The following ANKRD11 variants were observed in gnomAD, a reference collection of about 807,000 sequenced individuals.
The protein encoded by ANKRD11 is ankyrin repeat domain-containing protein 11.
ANKRD11 carries 17 observed loss-of-function variants against 195.7 expected under a neutral mutation model. That is an observed-to-expected ratio of 0.09 (90% confidence interval 0.06 to 0.13). ANKRD11 has a LOEUF of 0.13. Among genes scored for constraint, ANKRD11 ranks in the 10% least tolerant of loss-of-function variants. ANKRD11 has a pLI of 1.00. For synonymous variants in ANKRD11, 1,953 were observed against 1,528.1 expected, an observed-to-expected ratio of 1.28 and a Z score of -6.49; for missense variants, 3,735 against 3,566.1, an observed-to-expected ratio of 1.05 and a Z score of -1.21.
chr16:89,270,236 G>A lies in ANKRD11; in HGVS notation c.7806+581C>T, dbSNP rs142067587. ...ATGACACACGGGTGCTTGGTTCAGG[G>A]ACCTGGGTGGTGCTGAGCCTGATAC... On this transcript the variant is annotated intron_variant, in intron 12 of 12. Coordinates refer to ENST00000301030, the MANE Select transcript of ANKRD11 (RefSeq NM_013275.6). 9.7e-3 allele frequency: 1,888 copies of A among 194,318 alleles called. 15 individuals carry two copies. The highest frequency in any genetic ancestry group is 0.02 in the Middle Eastern group (9 of 446). 12.0% of individuals were successfully genotyped at this position (194,318 alleles called of 1,614,324 possible).
intron 2 of ANKRD11, among the ~76,000 whole-genome samples, chr16:89,351,942 A>G (rs972907907): frequency 7.9e-5 from 12 of 152,052 alleles, no homozygotes; most frequent in Admixed American, 2.0e-4. Flanking sequence ...AGACAGTCTC[A>G]CTCTGTCGCC....
chr16:89,283,018 C>G lies in ANKRD11; in HGVS notation c.3524G>C (p.Arg1175Thr). ...GTCTCTGGGCTCCTTGTCCTTCTGC[C>G]TCTCAGGGTGCTGCTTGTCAGAAGA... Reference protein sequence around the residue: ...RKSSDKQHPERQKDKEPRDRR... With the variant: ...RKSSDKQHPETQKDKEPRDRR... Residue 1175 changes from arginine (R) to threonine (T), a missense_variant, in exon 9 of 13, where the codon AGG becomes ACG. Physicochemically the swap from Arg to Thr is moderately conservative, Grantham distance 71. Transcript: ENST00000301030. This position sits in a 1 kb window ranked among gnomAD's most constrained non-coding sequence, Gnocchi z 4.3. The G allele has an allele frequency of 6.2e-7, 1 of 1,613,856 alleles. No homozygotes were observed. Among genetic ancestry groups the G allele is most frequent in the Non-Finnish European group, 8.5e-7 (1 of 1,180,042 alleles).
chr16:89,305,251 G>A lies in ANKRD11; in HGVS notation c.181C>T (p.Pro61Ser). The A allele has an allele frequency of 6.2e-7, 1 of 1,613,842 alleles. No individual in the cohort carries two copies. The highest frequency in any genetic ancestry group is 8.5e-7 in the Non-Finnish European group (1 of 1,179,900). The part of the protein sequence containing the change: ...VRERASKRKL[P>S]FTAGANGEQK... ...TCCCCATTGGCGCCCGCGGTGAAGGGCAGCTTCCGCTTGCTGGCTCGCTCC... is the reference window on the plus strand; with the variant it reads ...TCCCCATTGGCGCCCGCGGTGAAGGACAGCTTCCGCTTGCTGGCTCGCTCC... The change falls in exon 4 of 13, where the codon CCC becomes TCC. Residue 61 changes from proline (P) to serine (S), a missense_variant. Transcript: ENST00000301030.
intron 4 of ANKRD11, among the ~76,000 whole-genome samples, chr16:89,297,291 A>G (rs1241578202): frequency 6.6e-6 from 1 of 152,246 alleles, no homozygotes; most frequent in African/African-American, 2.4e-5. Context: ...GAAGACGTCA[A>G]AATACATTCT....
rs780182611 is a variant in ANKRD11 at position 89,284,233 on chromosome 16, T to C, written c.2309A>G (p.Lys770Arg). 61 of 1,613,184 alleles carry C rather than the reference T, an allele frequency of 3.8e-5. No individual in the cohort carries two copies. In the South Asian group the frequency reaches 6.6e-4, roughly 18 times the overall value. Reference protein sequence around the residue: ...LYKEERKKKSKDRPSKLEKKN... With the variant: ...LYKEERKKKSRDRPSKLEKKN... ...CTTCTCTAATTTTGAGGGCCGGTCT[T>C]TTGATTTCTTCTTTCTCTCCTCTTT... is the stretch of plus-strand genomic sequence containing the variant. The change falls in exon 9 of 13, where the codon AAA (lysine) becomes AGA (arginine). Residue 770 changes from lysine to arginine, a missense_variant. Transcript: ENST00000301030.
chr16:89,399,250 T>TA (rs916898152), intron 2 of ANKRD11, among the ~76,000 whole-genome samples: 2 of 152,088 alleles, frequency 1.3e-5, no homozygotes, highest in Non-Finnish European at 2.9e-5. Flanking sequence ...CATTTATCCG[T>TA]AAGAGAAGCC....
intron 7 of ANKRD11, chr16:89,288,279 C>A: frequency 9.0e-6 from 6 of 663,324 alleles, no homozygotes; most frequent in Non-Finnish European, 1.4e-5. Context: ...CAGACCTACA[C>A]GGCTAGCGGA....
intron 2 of ANKRD11, among the ~76,000 whole-genome samples, chr16:89,349,488 C>CA (rs1446708343): frequency 6.6e-6 from 1 of 151,988 alleles, no homozygotes; most frequent in Non-Finnish European, 1.5e-5. Context: ...CAAAAAAGAC[C>CA]AAAAATAGAC....
At chr16:89,379,536 G>A (rs2040557968) in intron 2 of ANKRD11, among the ~76,000 whole-genome samples, 1 of 152,202 alleles carries the variant, frequency 6.6e-6, no homozygotes, top group African/African-American at 2.4e-5. Flanking sequence ...CGCCCAGACA[G>A]AGCTCAGTCA....
intron 11 of ANKRD11, among the ~76,000 whole-genome samples, chr16:89,273,318 A>G (rs753899443): frequency 8.5e-5 from 13 of 152,182 alleles, no homozygotes; most frequent in Non-Finnish European, 1.2e-4. Context: ...CTGCCTGTCC[A>G]TCACAGCCTC....
chr16:89,458,745 A>T (rs970534869), intron 1 of ANKRD11: 3 of 152,170 alleles, frequency 2.0e-5, no homozygotes, highest in African/African-American at 7.2e-5. Context: ...TGGTAACCAA[A>T]ACTTGATTTA....
chr16:89,301,745 T>C (rs1207120867), intron 4 of ANKRD11: 5 of 397,882 alleles, frequency 1.3e-5, no homozygotes, highest in African/African-American at 2.1e-5. Context: ...TGCTTTAAAC[T>C]GGGCTGATTC....
At chr16:89,464,007 G>A (rs565960435) in intron 1 of ANKRD11, among the ~76,000 whole-genome samples, 3 of 152,208 alleles carry the variant, frequency 2.0e-5, no homozygotes, top group Non-Finnish European at 2.9e-5. Flanking sequence ...GGGAGGGTGA[G>A]GTGGGCGGAT....
intron 2 of ANKRD11, among the ~76,000 whole-genome samples, chr16:89,379,967 T>G (rs1485021957): frequency 1.3e-5 from 2 of 152,178 alleles, no homozygotes; most frequent in Non-Finnish European, 2.9e-5. Context: ...TCATCTCTAT[T>G]TACCAAACAC....
intron 2 of ANKRD11, among the ~76,000 whole-genome samples, chr16:89,387,391 G>C (rs1203310012): frequency 1.3e-5 from 2 of 152,026 alleles, no homozygotes; most frequent in Non-Finnish European, 2.9e-5. Flanking sequence ...ACTGTGCTTG[G>C]GCCGGGCGCG....
intron 9 of ANKRD11, among the ~76,000 whole-genome samples, 183 bp from the exon 10 acceptor site, chr16:89,275,374 G>A (rs960725114): frequency 2.0e-5 from 3 of 152,250 alleles, no homozygotes; most frequent in African/African-American, 4.8e-5. Flanking sequence ...TGTGCTGGAC[G>A]CGGGAGAGCG....
chr16:89,368,818 T>G (rs564778040), intron 2 of ANKRD11, among the ~76,000 whole-genome samples: 1 of 152,094 alleles, frequency 6.6e-6, no homozygotes, highest in Non-Finnish European at 1.5e-5. Context: ...GCGGGATCGC[T>G]TGAGCCAGGA....
intron 3 of ANKRD11, among the ~76,000 whole-genome samples, chr16:89,313,942 C>G (rs1278944869): frequency 6.6e-6 from 1 of 152,204 alleles, no homozygotes; most frequent in Admixed American, 6.5e-5. Flanking sequence ...AACAAACAAA[C>G]AAACAAAACA....
At chr16:89,312,908 C>T (rs1430045998) in intron 3 of ANKRD11, among the ~76,000 whole-genome samples, 3 of 152,150 alleles carry the variant, frequency 2.0e-5, no homozygotes, top group African/African-American at 7.2e-5. Flanking sequence ...CCACCTGCAG[C>T]ACTGACAAAG....
Sources: allele counts gnomAD v4.1 joint callset (sites outside exome capture counted in the v4.1 genomes callset), GRCh38; gene constraint gnomAD v4.1.1; non-coding constraint Gnocchi (gnomAD v3.1); transcripts MANE v1.5; gene names NCBI Gene and HGNC (gene_info 2026-07-23, HGNC 2026-07-21).